The following SLC16A12 variants were observed in gnomAD, a reference collection of about 807,000 sequenced individuals.
The protein encoded by SLC16A12 is monocarboxylate transporter 12.
Under a neutral mutation model 42.4 loss-of-function variants are expected in SLC16A12, and 17 were observed. The observed-to-expected ratio is 0.40, with a 90% confidence interval of 0.27 to 0.60. The LOEUF (loss-of-function observed/expected upper bound fraction) is 0.60. Ranked by LOEUF, SLC16A12 falls within the 20% of genes least tolerant of loss-of-function variation. The pLI is 0.42. For synonymous variants in SLC16A12, 224 were observed against 229.4 expected (o/e 0.98, Z 0.21); for missense variants, 544 against 623.0 (o/e 0.87, Z 1.35).
At chr10:89,464,700 A>G (rs961530572) in intron 2 of SLC16A12, among the ~76,000 whole-genome samples, 3 of 152,368 alleles carry the variant, frequency 2.0e-5, no homozygotes, top group East Asian at 1.9e-4. Flanking sequence ...ACAGAAATTT[A>G]TAAGTGTGCA....
intron 2 of SLC16A12, among the ~76,000 whole-genome samples, chr10:89,515,366 A>C (rs2133845610): frequency 6.6e-6 from 1 of 152,326 alleles, no homozygotes; most frequent in East Asian, 1.9e-4. Flanking sequence ...ACAGGAATCC[A>C]TGCCACAGAC....
At chr10:89,485,415 C>T (rs1474843087) in intron 2 of SLC16A12, among the ~76,000 whole-genome samples, 1 of 152,228 alleles carries the variant, frequency 6.6e-6, no homozygotes, top group Non-Finnish European at 1.5e-5. Context: ...TTCCCAGGTC[C>T]TGAACTCAGC....
chr10:89,469,879 A>C (rs938895707), intron 2 of SLC16A12, among the ~76,000 whole-genome samples: 1 of 152,220 alleles, frequency 6.6e-6, no homozygotes, highest in Non-Finnish European at 1.5e-5. Flanking sequence ...GTAAACTCTA[A>C]TTAACTTTAC....
At chr10:89,472,473 CT>C (rs1842513249) in intron 2 of SLC16A12, among the ~76,000 whole-genome samples, 3 of 128,156 alleles carry the variant, frequency 2.3e-5, no homozygotes, top group African/African-American at 2.8e-5. Context: ...TTTTTCTTTT[CT>C]TTTCTTTTCT....
chr10:89,529,671 C>T (rs957707720), intron 2 of SLC16A12, among the ~76,000 whole-genome samples: 1 of 152,062 alleles, frequency 6.6e-6, no homozygotes, highest in Non-Finnish European at 1.5e-5. Flanking sequence ...CCTCAGCCCC[C>T]CTAGTAGCTG....
At chr10:89,492,325 T>A (rs1842858105) in intron 2 of SLC16A12, among the ~76,000 whole-genome samples, 1 of 152,190 alleles carries the variant, frequency 6.6e-6, no homozygotes, top group Non-Finnish European at 1.5e-5. Flanking sequence ...AATTATCCAC[T>A]AAAGGTTATT....
chr10:89,506,011 A>G (rs758628638), intron 2 of SLC16A12, among the ~76,000 whole-genome samples: 5 of 152,164 alleles, frequency 3.3e-5, no homozygotes, highest in South Asian at 2.1e-4. Context: ...AGCAAGGCCA[A>G]CTGTCTCTCT....
chr10:89,509,427 GGCT>G lies in SLC16A12; in HGVS notation c.-47+25071_-47+25073del, dbSNP rs754763843. ...AGTTGGCTTCATCCCTTGGATGCAA[GGCT>G]GGTTCAACATATGCAAATCAATAAA... On this transcript the variant is annotated intron_variant, in intron 2 of 7. Coordinates refer to ENST00000371790, the MANE Select transcript of SLC16A12 (RefSeq NM_213606.4). 6.0e-4 allele frequency among the ~76,000 whole-genome samples: 92 copies of G among 152,180 alleles called. 2 individuals carry two copies. Among genetic ancestry groups the G allele is most frequent in the Admixed American group, 3.3e-4 (5 of 15,284 alleles).
At chr10:89,443,354 T>C (rs1208481611) in intron 4 of SLC16A12, among the ~76,000 whole-genome samples, 4 of 152,216 alleles carry the variant, frequency 2.6e-5, no homozygotes, top group African/African-American at 9.7e-5. Flanking sequence ...AAATGGCTCA[T>C]GGTACTATCA....
At position 89,431,003 on chromosome 10, in the gene SLC16A12, AT is replaced by A. The variant is rs34798090; in HGVS notation, c.*2060del. 0.52 allele frequency: 132,394 copies of A among 252,390 alleles called. 29,613 individuals carry two copies. Among genetic ancestry groups the A allele is most frequent in the East Asian group, 0.76 (5,607 of 7,368 alleles). The allele number at this position is 252,390 out of a possible 1,614,324, so 15.6% of individuals were successfully genotyped here. A position where few individuals can be genotyped will look rare whatever the true frequency, so the allele number is the denominator to read the frequency against. On this transcript the variant is annotated 3_prime_UTR_variant, in exon 8 of 8. Coordinates refer to ENST00000371790, the MANE Select transcript of SLC16A12 (RefSeq NM_213606.4). Reference sequence around the variant, plus strand: ...TTTGACATTTTACAGATACCTTCCAATTTTTTTTTTTTGAGATGGAGTCTTG... The same window carrying A: ...TTTGACATTTTACAGATACCTTCCAATTTTTTTTTTTGAGATGGAGTCTTG...
chr10:89,525,417 T>C (rs934440534), intron 2 of SLC16A12, among the ~76,000 whole-genome samples: 1 of 152,124 alleles, frequency 6.6e-6, no homozygotes, highest in South Asian at 2.1e-4. Flanking sequence ...TCATCTGTAA[T>C]AAAATCAGAA....
At chr10:89,502,331 T>C (rs1405670406) in intron 2 of SLC16A12, among the ~76,000 whole-genome samples, 6 of 152,000 alleles carry the variant, frequency 3.9e-5, no homozygotes, top group African/African-American at 1.2e-4. Flanking sequence ...AAGCCTATAA[T>C]CCCAGCTACT....
chr10:89,464,821 T>G (rs1842365774), intron 2 of SLC16A12, among the ~76,000 whole-genome samples: 1 of 152,136 alleles, frequency 6.6e-6, no homozygotes, highest in South Asian at 2.1e-4. Flanking sequence ...ATCACTTAGG[T>G]TTGCCCCTTT....
At chr10:89,525,184 G>A (rs766225486) in intron 2 of SLC16A12, among the ~76,000 whole-genome samples, 3 of 130,902 alleles carry the variant, frequency 2.3e-5, no homozygotes, top group Non-Finnish European at 4.6e-5. Context: ...TCGTGCCACT[G>A]CACTCCAGCC....
chr10:89,461,688 G>A (rs1200888430), intron 3 of SLC16A12, among the ~76,000 whole-genome samples: 1 of 152,132 alleles, frequency 6.6e-6, no homozygotes, highest in Admixed American at 6.6e-5. Context: ...TAATGAATAA[G>A]ATCTATCTTA....
chr10:89,536,834 A>AATTATT (rs965450312), upstream of SLC16A12, among the ~76,000 whole-genome samples: 2 of 151,840 alleles, frequency 1.3e-5, no homozygotes, highest in East Asian at 3.9e-4. Context: ...GGCTTTTTGG[A>AATTATT]ATTATTATTA....
chr10:89,438,098 G>C (rs1484193196), intron 6 of SLC16A12, among the ~76,000 whole-genome samples: 1 of 152,152 alleles, frequency 6.6e-6, no homozygotes, highest in Non-Finnish European at 1.5e-5. Flanking sequence ...GTCTTGGGAT[G>C]GAATTAAATC....
chr10:89,525,220 C>CAAAAAAAAAAAAAAAAA (rs869295721), intron 2 of SLC16A12, among the ~76,000 whole-genome samples: 1 of 64,640 alleles, frequency 1.5e-5, no homozygotes, highest in Admixed American at 2.1e-4. Flanking sequence ...GACACCATAT[C>CAAAAAAAAAAAAAAAAA]AAAAAAAAAA....
intron 3 of SLC16A12, among the ~76,000 whole-genome samples, chr10:89,452,648 A>G (rs1842112856): frequency 6.6e-6 from 1 of 152,164 alleles, no homozygotes; most frequent in African/African-American, 2.4e-5. Context: ...GTAGGAAAGA[A>G]AAAATGGAAC....
Sources: gnomAD v4.1 joint callset for allele counts (sites outside exome capture counted in the v4.1 genomes callset) on GRCh38, gnomAD v4.1.1 for gene constraint, MANE v1.5 for transcripts, NCBI Gene and HGNC (gene_info 2026-07-23, HGNC 2026-07-21) for gene names.